Variants in SPOCK1 observed in about 807,000 individuals in gnomAD.
SPOCK1 encodes SPARC (osteonectin), cwcv and kazal like domains proteoglycan 1.
Under a neutral mutation model 55.3 loss-of-function variants are expected in SPOCK1, and 23 were observed. The observed-to-expected ratio is 0.42, with a 90% confidence interval of 0.30 to 0.59. The LOEUF (loss-of-function observed/expected upper bound fraction) is 0.59, where lower values mean the gene tolerates loss of function less well. Among genes scored for constraint, SPOCK1 ranks in the 20% least tolerant of loss-of-function variants. The pLI, the probability that SPOCK1 is intolerant of heterozygous loss-of-function variation, is 0.22. For synonymous variants in SPOCK1, 226 were observed against 221.0 expected, an observed-to-expected ratio of 1.02 and a Z score of -0.20; for missense variants, 499 against 552.5, an observed-to-expected ratio of 0.90 and a Z score of 0.97.
chr5:137,404,035 A>G (rs739700), intron 2 of SPOCK1, among the ~76,000 whole-genome samples: 57,226 of 152,042 alleles, frequency 0.38, 11,443 homozygotes, highest in East Asian at 0.64. Flanking sequence ...GTTTGTGTCA[A>G]TCCCGACCAG....
At chr5:137,383,585 A>C (rs929758844) in intron 2 of SPOCK1, among the ~76,000 whole-genome samples, 4 of 152,246 alleles carry the variant, frequency 2.6e-5, no homozygotes, top group African/African-American at 7.2e-5. Context: ...GCTAGTTAAG[A>C]TGGAGCTGCA....
intron 2 of SPOCK1, among the ~76,000 whole-genome samples, chr5:137,354,478 C>T (rs1001013105): frequency 2.0e-5 from 3 of 152,102 alleles, no homozygotes; most frequent in Non-Finnish European, 4.4e-5. Flanking sequence ...CCCTGTCCTG[C>T]GTCACCTGCA....
rs185974257 is a variant in SPOCK1, at chr5:137,159,748, G to C, written c.233-19054C>G. 2.8e-3 allele frequency among the ~76,000 whole-genome samples: 423 copies of C among 152,150 alleles called. 2 individuals carry two copies. Among genetic ancestry groups the C allele is most frequent in the African/African-American group, 9.5e-3 (396 of 41,518 alleles). On this transcript the variant is annotated intron_variant, in intron 3 of 10. Transcript: ENST00000394945. ...TCTTTACCTACTCATTGGTCAATGG[G>C]CACTTAGGTTGGTTCCATATCTTTG...
intron 6 of SPOCK1, among the ~76,000 whole-genome samples, chr5:137,002,126 A>T (rs1197360623): frequency 6.6e-6 from 1 of 152,198 alleles, no homozygotes; most frequent in African/African-American, 2.4e-5. Context: ...GTCTTTAAAA[A>T]GCAATCTTTG....
At chr5:136,994,507 T>C (rs1265344281) in intron 6 of SPOCK1, among the ~76,000 whole-genome samples, 1 of 151,926 alleles carries the variant, frequency 6.6e-6, no homozygotes, top group African/African-American at 2.4e-5. Flanking sequence ...ACATGATATA[T>C]GGTAATTACT....
chr5:137,185,279 C>T (rs374612026), intron 3 of SPOCK1, among the ~76,000 whole-genome samples: 17 of 152,266 alleles, frequency 1.1e-4, no homozygotes, highest in African/African-American at 4.1e-4. Flanking sequence ...GAAGGGATTA[C>T]ACAGGTTACA....
At chr5:137,179,491 C>T (rs1754925028) in intron 3 of SPOCK1, among the ~76,000 whole-genome samples, 1 of 152,142 alleles carries the variant, frequency 6.6e-6, no homozygotes, top group African/African-American at 2.4e-5. Flanking sequence ...TTTATCAGAC[C>T]ACCCTAGGCA....
chr5:137,485,287 G>A (rs10477795), intron 2 of SPOCK1, among the ~76,000 whole-genome samples: 55,898 of 151,978 alleles, frequency 0.37, 10,391 homozygotes, highest in East Asian at 0.46. Flanking sequence ...CTTTAACCGT[G>A]TTGCTTTTCT....
At chr5:137,269,069 G>A (rs550215047) in intron 2 of SPOCK1, among the ~76,000 whole-genome samples, 95 of 133,156 alleles carry the variant, frequency 7.1e-4, no homozygotes, top group African/African-American at 2.7e-3. Context: ...ACTTTTTCAG[G>A]TTAACTATAA....
chr5:137,020,751 A>G (rs1159291768), intron 6 of SPOCK1, among the ~76,000 whole-genome samples: 2 of 152,012 alleles, frequency 1.3e-5, no homozygotes, highest in Non-Finnish European at 2.9e-5. Flanking sequence ...AATCAAGAAG[A>G]GACATGAACA....
At chr5:137,011,797 T>A (rs919762236) in intron 6 of SPOCK1, among the ~76,000 whole-genome samples, 6 of 152,132 alleles carry the variant, frequency 3.9e-5, no homozygotes, top group African/African-American at 1.4e-4. Flanking sequence ...AAAGTCAAGA[T>A]GGTTCATTTG....
chr5:137,049,049 C>A (rs1056942700), intron 6 of SPOCK1, among the ~76,000 whole-genome samples: 11 of 140,568 alleles, frequency 7.8e-5, no homozygotes, highest in African/African-American at 2.9e-4. Flanking sequence ...GGTAACCCGA[C>A]CTTTCTCTCT....
Position 137,484,010 on chromosome 5 carries a change from G to A in SPOCK1, c.186+14363C>T, listed in dbSNP as rs889397558. Among the ~76,000 whole-genome samples, 67 of 152,340 alleles carry A rather than the reference G, an allele frequency of 4.4e-4. 1 individual carries two copies. The highest frequency in any genetic ancestry group is 1.3e-4 in the Non-Finnish European group (9 of 68,034). On this transcript the variant is annotated intron_variant, in intron 2 of 10. Transcript: ENST00000394945. ...GTAATGAAAATCAAGTAGATGTCTT[G>A]AACACAAATGAAGACTGAGATGCGG...
At chr5:137,415,303 T>C (rs939242574) in intron 2 of SPOCK1, among the ~76,000 whole-genome samples, 1 of 152,228 alleles carries the variant, frequency 6.6e-6, no homozygotes, top group Non-Finnish European at 1.5e-5. Context: ...AAATCAGTGC[T>C]ACTGGTAATT....
At chr5:137,242,515 C>A (rs1160401112) in intron 3 of SPOCK1, among the ~76,000 whole-genome samples, 4 of 152,144 alleles carry the variant, frequency 2.6e-5, no homozygotes, top group Non-Finnish European at 5.9e-5. Context: ...TATAAATTAC[C>A]TAGTCTCAGG....
At chr5:137,355,246 G>A (rs1485057256) in intron 2 of SPOCK1, among the ~76,000 whole-genome samples, 1 of 152,152 alleles carries the variant, frequency 6.6e-6, no homozygotes, top group Admixed American at 6.5e-5. Context: ...AGGCTGAAGT[G>A]CAGTGGCACT....
rs115699444 is a variant in SPOCK1, at chr5:137,203,109, A to G, written c.233-62415T>C. Among the ~76,000 whole-genome samples, 912 of 152,340 alleles carry G rather than the reference A, an allele frequency of 6.0e-3. 13 individuals carry two copies. Among genetic ancestry groups the G allele is most frequent in the African/African-American group, 0.021 (857 of 41,592 alleles). On this transcript the variant is annotated intron_variant, in intron 3 of 10. Transcript: ENST00000394945. ...TAATGAGTACATTACCCTTAATGAA[A>G]CTTCATTTAGGCTAATGATTACCTT... is the stretch of plus-strand genomic sequence containing the variant.
intron 4 of SPOCK1, among the ~76,000 whole-genome samples, chr5:137,119,412 C>T (rs1462600660): frequency 6.6e-6 from 1 of 152,194 alleles, no homozygotes; most frequent in African/African-American, 2.4e-5. Context: ...TATAATTCCT[C>T]TGTTGTTAGG....
chr5:137,378,931 T>A (rs924471643), intron 2 of SPOCK1, among the ~76,000 whole-genome samples: 1 of 152,022 alleles, frequency 6.6e-6, no homozygotes, highest in Admixed American at 6.5e-5. Flanking sequence ...GAGCCAGACG[T>A]AGGAAATCAC....
Sources: allele counts gnomAD v4.1 joint callset (sites outside exome capture counted in the v4.1 genomes callset), GRCh38; gene constraint gnomAD v4.1.1; transcripts MANE v1.5; gene names NCBI Gene and HGNC (gene_info 2026-07-23, HGNC 2026-07-21).